The following SSTR2 variants were observed in gnomAD, a reference collection of about 807,000 sequenced individuals.
The protein encoded by SSTR2 is somatostatin receptor type 2.
Under a neutral mutation model 21.4 loss-of-function variants are expected in SSTR2, and 10 were observed. The ratio of observed to expected loss-of-function variants is 0.47; its 90% confidence interval spans 0.29 to 0.79. The LOEUF (loss-of-function observed/expected upper bound fraction) is 0.79, where lower values mean the gene tolerates loss of function less well. Among genes scored for constraint, SSTR2 ranks in the 30% least tolerant of loss-of-function variants. SSTR2 has a pLI of 0.10. For missense variants in SSTR2, 364 were observed against 468.8 expected (o/e 0.78, Z 2.06); for synonymous variants, 177 against 181.3 (o/e 0.98, Z 0.19).
In SSTR2 at chr17:73,169,173, G is replaced by T. The variant is rs2061225468; in HGVS notation, c.-92-55G>T. The T allele has an allele frequency of 1.1e-6, 1 of 918,280 alleles. No individual in the cohort carries two copies. Among genetic ancestry groups the T allele is most frequent in the Non-Finnish European group, 1.6e-6 (1 of 628,498 alleles). 56.9% of individuals were successfully genotyped at this position (918,280 alleles called of 1,614,324 possible). On this transcript the variant is annotated intron_variant, in intron 1 of 1. Transcript: ENST00000357585. This position sits in a 1 kb window ranked among gnomAD's most constrained non-coding sequence, Gnocchi z 5.2. ...GCTAAACCAGAAATGTGTAAATTTG[G>T]TGAGACTTTAAACAGCCTGTGACCG...
rs1303722451 is a variant in SSTR2, at chr17:73,172,678, AAAGT to A, written c.*2253_*2256del. The A allele has an allele frequency of 1.3e-5, 2 of 152,262 alleles. No individual in the cohort carries two copies. The highest frequency in any genetic ancestry group is 2.9e-5 in the Non-Finnish European group (2 of 68,042). 9.4% of individuals were successfully genotyped at this position (152,262 alleles called of 1,614,324 possible). ...GCAGGAAAATCCCACACCATTAGTA[AAAGT>A]AAGGTCAACTGTAAGTTCAGCTCAG... On this transcript the variant is annotated 3_prime_UTR_variant, in exon 2 of 2. Coordinates refer to ENST00000357585, the MANE Select transcript of SSTR2 (RefSeq NM_001050.3).
In SSTR2 at chr17:73,175,441, C is replaced by G. The variant is rs757403199; in HGVS notation, c.*5012C>G. 2 of 152,130 alleles carry G rather than the reference C, an allele frequency of 1.3e-5. No individual in the cohort carries two copies. Among genetic ancestry groups the G allele is most frequent in the South Asian group, 4.1e-4 (2 of 4,820 alleles). 9.4% of individuals were successfully genotyped at this position (152,130 alleles called of 1,614,324 possible). A position where few individuals can be genotyped will look rare whatever the true frequency, so the allele number is the denominator to read the frequency against. ...TCCCAAGTAGCAGGGACTACAGGCA[C>G]GTGCCACCACGCCCAGCTAATTTTT... is the stretch of plus-strand genomic sequence containing the variant. On this transcript the variant is annotated 3_prime_UTR_variant, in exon 2 of 2. Transcript: ENST00000357585.
In SSTR2 at chr17:73,174,390, A is replaced by G. The variant is rs1228444199; in HGVS notation, c.*3961A>G. ...GGAGCACCGTGCTGGAAAAGTGCAC[A>G]GGCTGATCACAGAGACAGGTAGGAA... On this transcript the variant is annotated 3_prime_UTR_variant, in exon 2 of 2. Coordinates refer to ENST00000357585, the MANE Select transcript of SSTR2 (RefSeq NM_001050.3). 6.6e-6 allele frequency: 1 copy of G among 152,120 alleles called. No homozygotes were observed. The highest frequency in any genetic ancestry group is 1.9e-4 in the East Asian group (1 of 5,194). The allele number at this position is 152,120 out of a possible 1,614,324, so 9.4% of individuals were successfully genotyped here. A position where few individuals can be genotyped will look rare whatever the true frequency, so the allele number is the denominator to read the frequency against.
Position 73,170,517 on chromosome 17 carries a change from C to T in SSTR2, c.*88C>T, listed in dbSNP as rs931145251. On this transcript the variant is annotated 3_prime_UTR_variant, in exon 2 of 2. Transcript: ENST00000357585. ...CACACTGGCTTCCTGCCTCCCACCC[C>T]TCACACCTGGCTTCTAGAATAGAGG... The T allele has an allele frequency of 4.0e-6, 6 of 1,509,292 alleles. No individual in the cohort carries two copies. The highest frequency in any genetic ancestry group is 4.5e-6 in the Non-Finnish European group (5 of 1,102,066). The allele number at this position is 1,509,292 out of a possible 1,614,324, so 93.5% of individuals were successfully genotyped here. A position where few individuals can be genotyped will look rare whatever the true frequency, so the allele number is the denominator to read the frequency against.
At position 73,170,369 on chromosome 17, in the gene SSTR2, G is replaced by A. The variant is rs553445989; in HGVS notation, c.1050G>A (p.Leu350=). 1.9e-6 allele frequency: 3 copies of A among 1,614,014 alleles called. No individual in the cohort carries two copies. The highest frequency in any genetic ancestry group is 1.1e-5 in the South Asian group (1 of 91,064). ...RSDSKQDKSR[L]NETTETQRTL... ...ACAGTAAGCAGGACAAATCCCGGCT[G>A]AATGAGACCACGGAGACCCAGAGGA... The change falls in exon 2 of 2, where the codon CTG becomes CTA. Residue 350 remains leucine (L), a synonymous_variant. Transcript: ENST00000357585.
Position 73,169,202 on chromosome 17 carries a change from G to A in SSTR2, c.-92-26G>A, listed in dbSNP as rs2061225626. 4 of 1,281,496 alleles carry A rather than the reference G, an allele frequency of 3.1e-6. No individual in the cohort carries two copies. Among genetic ancestry groups the A allele is most frequent in the African/African-American group, 1.5e-5 (1 of 66,634 alleles). 79.4% of individuals were successfully genotyped at this position (1,281,496 alleles called of 1,614,324 possible). On this transcript the variant is annotated intron_variant, in intron 1 of 1. Transcript: ENST00000357585. This position sits in a 1 kb window ranked among gnomAD's most constrained non-coding sequence, Gnocchi z 5.2. ...GACTTTAAACAGCCTGTGACCGACG[G>A]GCCAATCTTCCTCTTTTCCTTCCAG... is the stretch of plus-strand genomic sequence containing the variant.
At chr17:73,168,641 T>C (rs2061223859) in intron 1 of SSTR2, among the ~76,000 whole-genome samples, 1 of 152,188 alleles carries the variant, frequency 6.6e-6, no homozygotes, top group South Asian at 2.1e-4. Flanking sequence ...AACGCAAGGC[T>C]AGGCATTTTC....
rs984575183 is a variant in SSTR2 at position 73,175,177 on chromosome 17, C to G, written c.*4748C>G. 11 of 152,148 alleles carry G rather than the reference C, an allele frequency of 7.2e-5. No individual in the cohort carries two copies. The highest frequency in any genetic ancestry group is 6.5e-4 in the Admixed American group (10 of 15,270). The allele number at this position is 152,148 out of a possible 1,614,324, so 9.4% of individuals were successfully genotyped here. On this transcript the variant is annotated 3_prime_UTR_variant, in exon 2 of 2. Transcript: ENST00000357585. The stretch of plus-strand genomic sequence containing the variant: ...CACTTGTCTCATCCCACATTTTTGC[C>G]AAATTCAAAAACACCAAATTTCCCA...
intron 1 of SSTR2, among the ~76,000 whole-genome samples, chr17:73,168,664 T>A (rs754865507): frequency 3.3e-5 from 5 of 152,178 alleles, no homozygotes; most frequent in African/African-American, 4.8e-5. Context: ...ATATATTCCA[T>A]CATTTAACCT....
At position 73,170,650 on chromosome 17, in the gene SSTR2, G is replaced by A. The variant is rs1222077283; in HGVS notation, c.*221G>A. The A allele has an allele frequency of 4.3e-6, 3 of 703,940 alleles. No homozygotes were observed. Among genetic ancestry groups the A allele is most frequent in the South Asian group, 3.0e-5 (2 of 66,798 alleles). The allele number at this position is 703,940 out of a possible 1,614,324, so 43.6% of individuals were successfully genotyped here. The stretch of plus-strand genomic sequence containing the variant: ...TCCCCCTTAAAGCGAACACTGAAAT[G>A]CAGGTAGACAATTCAAAGTCTGGAG... On this transcript the variant is annotated 3_prime_UTR_variant, in exon 2 of 2. Transcript: ENST00000357585.
At position 73,174,920 on chromosome 17, in the gene SSTR2, C is replaced by G. The variant is rs2061245123; in HGVS notation, c.*4491C>G. ...AAAATATCAGTTCTGTTTTAAGTAA[C>G]AGAATTGATAACTGAGCAGGGAAAC... On this transcript the variant is annotated 3_prime_UTR_variant, in exon 2 of 2. Coordinates refer to ENST00000357585, the MANE Select transcript of SSTR2 (RefSeq NM_001050.3). 2 of 152,630 alleles carry G rather than the reference C, an allele frequency of 1.3e-5. No homozygotes were observed. Among genetic ancestry groups the G allele is most frequent in the African/African-American group, 4.8e-5 (2 of 41,400 alleles). 9.5% of individuals were successfully genotyped at this position (152,630 alleles called of 1,614,324 possible). A position where few individuals can be genotyped will look rare whatever the true frequency, so the allele number is the denominator to read the frequency against.
In SSTR2 at chr17:73,169,781, G is replaced by C. The variant is rs1244857567; in HGVS notation, c.462G>C (p.Arg154Ser). 1 of 1,614,214 alleles carries C rather than the reference G, an allele frequency of 6.2e-7. No individual in the cohort carries two copies. The highest frequency in any genetic ancestry group is 1.1e-5 in the South Asian group (1 of 91,076). The part of the protein sequence containing the change: ...VVHPIKSAKW[R>S]RPRTAKMITM... ...ACCCCATCAAGTCGGCCAAGTGGAG[G>C]AGACCCCGGACGGCCAAGATGATCA... The change falls in exon 2 of 2, where the codon AGG becomes AGC. Residue 154 changes from arginine to serine, a missense_variant. Physicochemically the swap from Arg to Ser is moderately radical, Grantham distance 110. Transcript: ENST00000357585. This position sits in a 1 kb window ranked among gnomAD's most constrained non-coding sequence, Gnocchi z 5.2.
intron 1 of SSTR2, among the ~76,000 whole-genome samples, chr17:73,165,619 G>A (rs529838535): frequency 1.8e-3 from 281 of 151,990 alleles, no homozygotes; most frequent in South Asian, 6.2e-3. Flanking sequence ...TGCGACGGGT[G>A]ACAACTTCTC....
At position 73,169,271 on chromosome 17, in the gene SSTR2, A is replaced by G; in HGVS notation, c.-49A>G. ...GGCCTCCAGGGTCCATTAAGGTGAG[A>G]ATAAGATCTCTGGGCTGGCTGGAAC... On this transcript the variant is annotated 5_prime_UTR_variant, in exon 2 of 2. Coordinates refer to ENST00000357585, the MANE Select transcript of SSTR2 (RefSeq NM_001050.3). The surrounding 1 kb of genome is among the most constrained non-coding windows in gnomAD (Gnocchi z 5.2). The G allele has an allele frequency of 6.4e-7, 1 of 1,570,900 alleles. No individual in the cohort carries two copies. The highest frequency in any genetic ancestry group is 2.3e-5 in the East Asian group (1 of 44,052).
In SSTR2 at chr17:73,170,472, C is replaced by G. The variant is rs753442091; in HGVS notation, c.*43C>G. 3.0e-5 allele frequency: 48 copies of G among 1,594,292 alleles called. No homozygotes were observed. Among genetic ancestry groups the G allele is most frequent in the Non-Finnish European group, 3.9e-5 (46 of 1,169,358 alleles). On this transcript the variant is annotated 3_prime_UTR_variant, in exon 2 of 2. Transcript: ENST00000357585. Reference sequence around the variant, plus strand: ...AAAGAACCAAGCCATGCTCTGTCTACTGGCAATGGGCTCCCTACCCACACT... The same window carrying G: ...AAAGAACCAAGCCATGCTCTGTCTAGTGGCAATGGGCTCCCTACCCACACT...
Position 73,170,346 on chromosome 17 carries a change from A to C in SSTR2, c.1027A>C (p.Ser343Arg). The change falls in exon 2 of 2, where the codon AGT becomes CGT. Residue 343 changes from serine to arginine, a missense_variant. Around this residue, in one of 4 missense-constraint regions of SSTR2, gnomAD observed 71 missense variants for 53.8 expected, o/e 1.32. Transcript: ENST00000357585. Reference sequence around the variant, plus strand: ...CACAGATGATGGGGAGCGGAGTGACAGTAAGCAGGACAAATCCCGGCTGAA... The same window carrying C: ...CACAGATGATGGGGAGCGGAGTGACCGTAAGCAGGACAAATCCCGGCTGAA... ...SGTDDGERSD[S>R]KQDKSRLNET... 6.2e-7 allele frequency: 1 copy of C among 1,614,056 alleles called. No individual in the cohort carries two copies. Among genetic ancestry groups the C allele is most frequent in the South Asian group, 1.1e-5 (1 of 91,070 alleles).
Position 73,175,164 on chromosome 17 carries a change from C to T in SSTR2, c.*4735C>T, listed in dbSNP as rs996791419. ...AACAACAATCAATCACTTGTCTCAT[C>T]CCACATTTTTGCCAAATTCAAAAAC... On this transcript the variant is annotated 3_prime_UTR_variant, in exon 2 of 2. Transcript: ENST00000357585. 1 of 152,186 alleles carries T rather than the reference C, an allele frequency of 6.6e-6. No homozygotes were observed. Among genetic ancestry groups the T allele is most frequent in the East Asian group, 1.9e-4 (1 of 5,200 alleles). The allele number at this position is 152,186 out of a possible 1,614,324, so 9.4% of individuals were successfully genotyped here.
Position 73,175,143 on chromosome 17 carries a change from ACAAT to A in SSTR2, c.*4721_*4724del, listed in dbSNP as rs1229507095. 6.6e-6 allele frequency: 1 copy of A among 152,202 alleles called. No individual in the cohort carries two copies. Among genetic ancestry groups the A allele is most frequent in the African/African-American group, 2.4e-5 (1 of 41,456 alleles). The allele number at this position is 152,202 out of a possible 1,614,324, so 9.4% of individuals were successfully genotyped here. ...CCAAGCAGTGGAACTTATAGTAACA[ACAAT>A]CAATCACTTGTCTCATCCCACATTT... On this transcript the variant is annotated 3_prime_UTR_variant, in exon 2 of 2. Coordinates refer to ENST00000357585, the MANE Select transcript of SSTR2 (RefSeq NM_001050.3).
chr17:73,168,708 G>A (rs920277278), intron 1 of SSTR2, among the ~76,000 whole-genome samples: 5 of 152,166 alleles, frequency 3.3e-5, no homozygotes, highest in Non-Finnish European at 7.3e-5. Flanking sequence ...ATAAGAGTCA[G>A]AACCATTAAG....
Sources: allele counts gnomAD v4.1 joint callset (sites outside exome capture counted in the v4.1 genomes callset), GRCh38; gene constraint gnomAD v4.1.1; regional missense constraint gnomAD v4.1.1; non-coding constraint Gnocchi (gnomAD v3.1); transcripts MANE v1.5; gene names NCBI Gene and HGNC (gene_info 2026-07-23, HGNC 2026-07-21).